Variants in DCC observed in about 807,000 individuals in gnomAD.
DCC encodes the protein DCC netrin 1 receptor, also known as netrin receptor DCC.
In DCC, 58 loss-of-function variants were observed where a neutral mutation model predicts 172.5. The observed-to-expected ratio is 0.34, with a 90% CI of 0.27 to 0.42. The LOEUF is 0.42. Among genes scored for constraint, DCC ranks in the 10% least tolerant of loss-of-function variants. The pLI, the probability that DCC is intolerant of heterozygous loss-of-function variation, is 1.00. For missense variants in DCC, 1,740 were observed against 1,791.0 expected (o/e 0.97, Z 0.51); for synonymous variants, 709 against 644.5 (o/e 1.10, Z -1.52).
At chr18:52,800,043 C>T (rs1037677189) in intron 2 of DCC, among the ~76,000 whole-genome samples, 1 of 152,100 alleles carries the variant, frequency 6.6e-6, no homozygotes, top group Non-Finnish European at 1.5e-5. Context: ...ATTTGCTGAA[C>T]TAGTTTAAAT....
chr18:53,077,203 A>C (rs1187139916), intron 7 of DCC, among the ~76,000 whole-genome samples: 1 of 151,772 alleles, frequency 6.6e-6, no homozygotes. Context: ...CCTTGTTCAC[A>C]TGTATATATA....
intron 5 of DCC, among the ~76,000 whole-genome samples, chr18:52,990,688 C>T (rs2041375348): frequency 6.6e-6 from 1 of 152,072 alleles, no homozygotes; most frequent in Non-Finnish European, 1.5e-5. Flanking sequence ...TATCCAATCC[C>T]CCTAAGCATG....
intron 7 of DCC, among the ~76,000 whole-genome samples, chr18:53,109,653 C>A (rs998519860): frequency 1.4e-5 from 2 of 141,986 alleles, no homozygotes; most frequent in African/African-American, 2.5e-5. Flanking sequence ...TGGTTCTTAA[C>A]CCCAGGCAAT....
At chr18:52,536,147 C>T (rs902810129) in intron 1 of DCC, among the ~76,000 whole-genome samples, 4 of 151,956 alleles carry the variant, frequency 2.6e-5, no homozygotes, top group African/African-American at 4.8e-5. Flanking sequence ...GGGCTACTTG[C>T]GGGAGGAACA....
rs1236053345 is a variant in DCC at position 52,627,023 on chromosome 18, C to T, written c.92-125031C>T. Among the ~76,000 whole-genome samples the T allele has an allele frequency of 3.3e-5, 5 of 152,292 alleles. No individual in the cohort carries two copies. In the South Asian group the frequency reaches 6.2e-4, roughly 19 times the overall value. On this transcript the variant is annotated intron_variant, in intron 1 of 28. Coordinates refer to ENST00000442544, the MANE Select transcript of DCC (RefSeq NM_005215.4). ...TCTCACACTACCCTCTTCTCTGTTCCTCTGACATATCAGGCTGTTCTTTAT... is the reference window on the plus strand; with the variant it reads ...TCTCACACTACCCTCTTCTCTGTTCTTCTGACATATCAGGCTGTTCTTTAT...
chr18:53,416,463 G>C, intron 21 of DCC: 1 of 509,828 alleles, frequency 2.0e-6, no homozygotes, highest in Non-Finnish European at 3.6e-6. Context: ...TTCACATTAA[G>C]TATAATTAAG....
intron 5 of DCC, among the ~76,000 whole-genome samples, chr18:52,954,536 T>G (rs1181096864): frequency 6.6e-6 from 1 of 152,076 alleles, no homozygotes; most frequent in Non-Finnish European, 1.5e-5. Context: ...TGCAAATGGG[T>G]CTTAGGAATA....
At chr18:52,477,122 TCAA>T (rs1319925712) in intron 1 of DCC, among the ~76,000 whole-genome samples, 1 of 152,144 alleles carries the variant, frequency 6.6e-6, no homozygotes, top group Non-Finnish European at 1.5e-5. Context: ...TCACTGTGGG[TCAA>T]CGTTTTCCAC....
intron 1 of DCC, among the ~76,000 whole-genome samples, chr18:52,652,594 G>A (rs2035157447): frequency 6.6e-6 from 1 of 152,100 alleles, no homozygotes; most frequent in Admixed American, 6.5e-5. Context: ...GGGCCCATTG[G>A]AATGTTCAGT....
At chr18:52,655,985 T>TCTATATATATATGTGC in intron 1 of DCC, among the ~76,000 whole-genome samples, 1 of 141,496 alleles carries the variant, frequency 7.1e-6, no homozygotes, top group Non-Finnish European at 1.5e-5. Context: ...TGTGTGTGTG[T>TCTATATATATATGTGC]GTATATATAT....
intron 7 of DCC, among the ~76,000 whole-genome samples, chr18:53,123,564 C>T (rs2043513631): frequency 6.6e-6 from 1 of 151,990 alleles, no homozygotes; most frequent in African/African-American, 2.4e-5. Context: ...TAGTTTATTC[C>T]TCTTGAAATA....
chr18:52,850,756 A>C (rs1330548282), intron 2 of DCC, among the ~76,000 whole-genome samples: 1 of 152,138 alleles, frequency 6.6e-6, no homozygotes, highest in African/African-American at 2.4e-5. Flanking sequence ...ATGACACTGT[A>C]ATACATATAC....
At chr18:52,787,540 A>G (rs1460969439) in intron 2 of DCC, among the ~76,000 whole-genome samples, 1 of 152,084 alleles carries the variant, frequency 6.6e-6, no homozygotes, top group Non-Finnish European at 1.5e-5. Context: ...CTGTTGGAAC[A>G]TATCTTAGTA....
intron 2 of DCC, among the ~76,000 whole-genome samples, chr18:52,834,123 C>T (rs756232720): frequency 2.6e-5 from 4 of 152,110 alleles, no homozygotes; most frequent in Non-Finnish European, 5.9e-5. Context: ...GGAACACATC[C>T]GGCTTGGCAA....
At chr18:53,203,270 T>C (rs2055572887) in intron 9 of DCC, among the ~76,000 whole-genome samples, 1 of 151,722 alleles carries the variant, frequency 6.6e-6, no homozygotes, top group African/African-American at 2.4e-5. Flanking sequence ...CAGAAAGGAA[T>C]ATTTTGGTAT....
At chr18:53,108,102 T>G (rs1427552814) in intron 7 of DCC, among the ~76,000 whole-genome samples, 8 of 151,820 alleles carry the variant, frequency 5.3e-5, no homozygotes, top group Non-Finnish European at 1.2e-4. Flanking sequence ...GCTTTTTGTG[T>G]GTTTGCTTTC....
At chr18:52,376,356 G>A (rs1275019687) in intron 1 of DCC, among the ~76,000 whole-genome samples, 2 of 152,140 alleles carry the variant, frequency 1.3e-5, no homozygotes, top group Non-Finnish European at 2.9e-5. Context: ...CAGTAAGTAG[G>A]CAAATTCTTC....
At chr18:52,962,251 C>A (rs2040853857) in intron 5 of DCC, among the ~76,000 whole-genome samples, 1 of 151,774 alleles carries the variant, frequency 6.6e-6, no homozygotes, top group Non-Finnish European at 1.5e-5. Context: ...TGAACTCAAA[C>A]AAATTTACAA....
intron 1 of DCC, among the ~76,000 whole-genome samples, chr18:52,391,296 T>C (rs1986021144): frequency 6.6e-6 from 1 of 152,100 alleles, no homozygotes. Context: ...CAAATGTTGC[T>C]TCACCATTAT....
Sources: gnomAD v4.1 joint callset for allele counts (sites outside exome capture counted in the v4.1 genomes callset) on GRCh38, gnomAD v4.1.1 for gene constraint, MANE v1.5 for transcripts, NCBI Gene and HGNC (gene_info 2026-07-23, HGNC 2026-07-21) for gene names.